PPARD: variants seen among roughly 807,000 people sequenced by gnomAD.
PPARD encodes the protein peroxisome proliferator-activated receptor delta.
PPARD carries 6 observed loss-of-function variants against 39.5 expected under a neutral mutation model. The observed-to-expected ratio is 0.15, with a 90% CI of 0.08 to 0.30. The LOEUF (loss-of-function observed/expected upper bound fraction) is 0.30, where lower values mean the gene tolerates loss of function less well. Ranked by LOEUF, PPARD falls within the 10% of genes least tolerant of loss-of-function variation. The pLI, the probability that PPARD is intolerant of heterozygous loss-of-function variation, is 1.00. For missense variants in PPARD, 397 were observed against 596.8 expected, an observed-to-expected ratio of 0.67 and a Z score of 3.49; for synonymous variants, 210 against 231.3, an observed-to-expected ratio of 0.91 and a Z score of 0.83.
chr6:35,386,136 C>T (rs934187594), intron 2 of PPARD, among the ~76,000 whole-genome samples: 7 of 151,942 alleles, frequency 4.6e-5, no homozygotes, highest in Admixed American at 2.6e-4. Context: ...GATGGCGGGG[C>T]GAGAGGAGGT....
intron 2 of PPARD, chr6:35,348,776 C>T (rs926911604): frequency 1.0e-6 from 1 of 985,286 alleles, no homozygotes; most frequent in African/African-American, 1.7e-5. Context: ...AAGTGCTTTC[C>T]TCTGAAGGGA....
chr6:35,404,268 A>G (rs1204947808), intron 2 of PPARD, among the ~76,000 whole-genome samples: 1 of 152,134 alleles, frequency 6.6e-6, no homozygotes, highest in Non-Finnish European at 1.5e-5. Context: ...CTGTGCCATA[A>G]TTTCCACGTC....
chr6:35,350,676 AGTGGC>A (rs58551740), intron 2 of PPARD, among the ~76,000 whole-genome samples: 145,976 of 146,108 alleles, frequency 1, 72,922 homozygotes, highest in Middle Eastern at 1. Context: ...GATGGAGTGC[AGTGGC>A]GTGGCGTGAT....
intron 3 of PPARD, among the ~76,000 whole-genome samples, chr6:35,417,954 C>T (rs936846603): frequency 6.6e-6 from 1 of 152,166 alleles, no homozygotes; most frequent in African/African-American, 2.4e-5. Flanking sequence ...ACGTGCAGTG[C>T]CAACAGAAAC....
Position 35,421,863 on chromosome 6 carries a change from A to G in PPARD, c.329A>G (p.Lys110Arg). 1.9e-6 allele frequency: 3 copies of G among 1,614,020 alleles called. No homozygotes were observed. Among genetic ancestry groups the G allele is most frequent in the Non-Finnish European group, 2.5e-6 (3 of 1,179,952 alleles). ...RTIRMKLEYE[K>R]CERSCKIQKK... ...ATCCGCATGAAGCTGGAGTACGAGAAGTGTGAGCGCAGCTGCAAGATTCAG... is the reference window on the plus strand; with the variant it reads ...ATCCGCATGAAGCTGGAGTACGAGAGGTGTGAGCGCAGCTGCAAGATTCAG... Residue 110 changes from lysine to arginine, a missense_variant, in exon 5 of 8, where the codon AAG (lysine) becomes AGG (arginine). Transcript: ENST00000360694.
chr6:35,422,067 T>C, intron 5 of PPARD, 109 bp downstream of exon 5: 1 of 1,305,196 alleles, frequency 7.7e-7, no homozygotes, highest in Non-Finnish European at 1.0e-6. Flanking sequence ...GAGCAGTGCC[T>C]GGCGCACAGT....
rs1256223342 is a variant in PPARD at position 35,420,179 on chromosome 6, C to T, written c.183C>T (p.Gly61=). 5.0e-6 allele frequency: 8 copies of T among 1,613,526 alleles called. No homozygotes were observed. The highest frequency in any genetic ancestry group is 6.8e-6 in the Non-Finnish European group (8 of 1,179,806). The change falls in exon 4 of 8, where the codon GGC becomes GGT. Residue 61 remains glycine (G), a synonymous_variant. Coordinates refer to ENST00000360694, the MANE Select transcript of PPARD (RefSeq NM_006238.5). ...PPSLLDQLQM[G]CDGASCGSLN... Reference sequence around the variant, plus strand: ...CACTGCTGGACCAACTGCAGATGGGCTGTGACGGGGCCTCATGCGGCAGCC... The same window carrying T: ...CACTGCTGGACCAACTGCAGATGGGTTGTGACGGGGCCTCATGCGGCAGCC...
chr6:35,402,221 G>A (rs1165619608), intron 2 of PPARD, among the ~76,000 whole-genome samples: 1 of 152,200 alleles, frequency 6.6e-6, no homozygotes, highest in African/African-American at 2.4e-5. Flanking sequence ...ACCCCTCAGA[G>A]AAAAGTACCC....
rs997101565 is a variant in PPARD, at chr6:35,399,674, A to C, written c.-101-11313A>C. Among the ~76,000 whole-genome samples, 6 of 152,226 alleles carry C rather than the reference A, an allele frequency of 3.9e-5. No individual in the cohort carries two copies. In the East Asian group the frequency reaches 5.8e-4, roughly 15 times the overall value. ...TTCAGTGAACTGAGGTCACACCTGC[A>C]CCCCAGCCTAGTGACAGAGCAAGAC... On this transcript the variant is annotated intron_variant, in intron 2 of 7. Coordinates refer to ENST00000360694, the MANE Select transcript of PPARD (RefSeq NM_006238.5).
At chr6:35,367,371 T>C (rs924848768) in intron 2 of PPARD, among the ~76,000 whole-genome samples, 2 of 152,128 alleles carry the variant, frequency 1.3e-5, no homozygotes, top group African/African-American at 2.4e-5. Context: ...GGTTTGAACA[T>C]TGGGTTTGCG....
At chr6:35,418,118 C>T (rs187674190) in intron 3 of PPARD, among the ~76,000 whole-genome samples, 23 of 152,264 alleles carry the variant, frequency 1.5e-4, no homozygotes, top group Non-Finnish European at 1.5e-5. Flanking sequence ...TGAGTAGAGA[C>T]ATGCAGAGTC....
intron 2 of PPARD, among the ~76,000 whole-genome samples, chr6:35,370,944 C>T (rs1762451727): frequency 6.6e-6 from 1 of 152,208 alleles, no homozygotes; most frequent in Non-Finnish European, 1.5e-5. Flanking sequence ...TTTTCTTCTT[C>T]TCGTGGTTTT....
intron 3 of PPARD, among the ~76,000 whole-genome samples, chr6:35,413,366 G>A (rs942907827): frequency 8.5e-4 from 129 of 152,314 alleles, no homozygotes; most frequent in African/African-American, 3.1e-3. Flanking sequence ...TGGATGAAGT[G>A]GAGATAGACT....
At chr6:35,391,156 TA>T (rs1763980733) in intron 2 of PPARD, among the ~76,000 whole-genome samples, 1 of 152,222 alleles carries the variant, frequency 6.6e-6, no homozygotes. Context: ...AGACATCTGA[TA>T]ATAGAAAATG....
In PPARD at chr6:35,424,522, T is replaced by G. The variant is rs1766438643; in HGVS notation, c.821T>G (p.Phe274Cys). The change falls in exon 7 of 8, where the codon TTC becomes TGC. Residue 274 changes from phenylalanine (F) to cysteine (C), a missense_variant. Physicochemically the swap from Phe to Cys is radical, Grantham distance 205. Coordinates refer to ENST00000360694, the MANE Select transcript of PPARD (RefSeq NM_006238.5). This position sits in a 1 kb window ranked among gnomAD's most constrained non-coding sequence, Gnocchi z 7.1. Reference protein sequence around the residue: ...AKSIPSFSSLFLNDQVTLLKY... With the variant: ...AKSIPSFSSLCLNDQVTLLKY... ...AGCATCCCCAGCTTCAGCAGCCTCT[T>G]CCTCAACGACCAGGTTACCCTTCTC... The G allele has an allele frequency of 6.2e-7, 1 of 1,614,056 alleles. No homozygotes were observed. Among genetic ancestry groups the G allele is most frequent in the Non-Finnish European group, 8.5e-7 (1 of 1,180,036 alleles).
chr6:35,346,624 AT>A (rs1792200795), intron 1 of PPARD, among the ~76,000 whole-genome samples: 2 of 152,172 alleles, frequency 1.3e-5, no homozygotes, highest in Non-Finnish European at 2.9e-5. Context: ...GGCCCCTTGC[AT>A]CAGGTTTCAG....
intron 2 of PPARD, among the ~76,000 whole-genome samples, chr6:35,355,183 A>T (rs1488052808): frequency 6.6e-6 from 1 of 150,424 alleles, no homozygotes; most frequent in Non-Finnish European, 1.5e-5. Context: ...GCAGCACCCC[A>T]TTTTTTTTTC....
At chr6:35,348,373 TTC>T (rs1474814647) in intron 2 of PPARD, 2 of 985,234 alleles carry the variant, frequency 2.0e-6, no homozygotes, top group Non-Finnish European at 2.4e-6. Flanking sequence ...GGGTAGGAGG[TTC>T]TCACCAAGAG....
intron 2 of PPARD, among the ~76,000 whole-genome samples, chr6:35,367,140 T>C (rs1762247177): frequency 6.6e-6 from 1 of 152,108 alleles, no homozygotes; most frequent in Non-Finnish European, 1.5e-5. Flanking sequence ...TGAACCTGGA[T>C]GGCTGGGGCA....
Sources: gnomAD v4.1 joint callset for allele counts (sites outside exome capture counted in the v4.1 genomes callset) on GRCh38, gnomAD v4.1.1 for gene constraint, Gnocchi (gnomAD v3.1) non-coding constraint, MANE v1.5 for transcripts, NCBI Gene and HGNC (gene_info 2026-07-23, HGNC 2026-07-21) for gene names.